The following PPTC7 variants were observed in gnomAD, a reference collection of about 807,000 sequenced individuals.
PPTC7 encodes the protein protein phosphatase targeting COQ7, also known as protein phosphatase PTC7 homolog.
Under a neutral mutation model 30.8 loss-of-function variants are expected in PPTC7, and 6 were observed. That is an observed-to-expected ratio of 0.19 (90% CI 0.11 to 0.38). PPTC7 has a LOEUF of 0.38. Ranked by LOEUF, PPTC7 falls within the 10% of genes least tolerant of loss-of-function variation. PPTC7 has a pLI of 1.00. For missense variants in PPTC7, 218 were observed against 404.8 expected, an observed-to-expected ratio of 0.54 and a Z score of 3.96; for synonymous variants, 163 against 168.1, an observed-to-expected ratio of 0.97 and a Z score of 0.23.
chr12:110,580,939 A>G (rs1204308791), intron 1 of PPTC7, among the ~76,000 whole-genome samples: 1 of 151,920 alleles, frequency 6.6e-6, no homozygotes, highest in East Asian at 2.0e-4. Flanking sequence ...TTTAGTAAAG[A>G]CTGGGTTTCA....
At chr12:110,559,551 C>G (rs185553826) in intron 1 of PPTC7, among the ~76,000 whole-genome samples, 2 of 151,346 alleles carry the variant, frequency 1.3e-5, no homozygotes, top group African/African-American at 4.9e-5. Context: ...CATGGTGAAA[C>G]CCCGTCTCTA....
intron 1 of PPTC7, among the ~76,000 whole-genome samples, chr12:110,576,882 A>G (rs2064593594): frequency 6.6e-6 from 1 of 152,198 alleles, no homozygotes; most frequent in African/African-American, 2.4e-5. Flanking sequence ...AAATTCACTC[A>G]AGGGGCTGGG....
At chr12:110,562,662 G>A (rs554254767) in intron 1 of PPTC7, among the ~76,000 whole-genome samples, 14 of 151,610 alleles carry the variant, frequency 9.2e-5, no homozygotes, top group African/African-American at 3.1e-4. Flanking sequence ...GTATGGTGGC[G>A]CATGACTGTA....
intron 1 of PPTC7, among the ~76,000 whole-genome samples, chr12:110,562,215 G>A (rs1182894551): frequency 6.7e-6 from 1 of 148,236 alleles, no homozygotes; most frequent in East Asian, 2.0e-4. Flanking sequence ...AACCCAGGAG[G>A]CGGAGGTTGC....
intron 1 of PPTC7, among the ~76,000 whole-genome samples, chr12:110,557,487 C>T (rs1451707177): frequency 6.6e-6 from 1 of 152,026 alleles, no homozygotes; most frequent in Non-Finnish European, 1.5e-5. Context: ...CTATGTTGTC[C>T]AGGCTGGTCT....
In PPTC7 at chr12:110,582,879, G is replaced by A. The variant is rs1420753464; in HGVS notation, c.153C>T (p.Leu51=). The A allele has an allele frequency of 1.3e-6, 2 of 1,556,516 alleles. No individual in the cohort carries two copies. Among genetic ancestry groups the A allele is most frequent in the Non-Finnish European group, 1.7e-6 (2 of 1,150,316 alleles). The part of the protein sequence containing the change: ...CGFGKDFRKG[L]LKKGACYGDD... ...CCCCGTAGCACGCGCCCTTCTTGAG[G>A]AGGCCCTTACGGAAGTCCTTCCCGA... Residue 51 remains leucine (L), a synonymous_variant, in exon 1 of 6, where the codon CTC becomes CTT. Coordinates refer to ENST00000354300, the MANE Select transcript of PPTC7 (RefSeq NM_139283.2).
At chr12:110,576,459 T>G (rs953102522) in intron 1 of PPTC7, among the ~76,000 whole-genome samples, 1 of 152,022 alleles carries the variant, frequency 6.6e-6, no homozygotes, top group Non-Finnish European at 1.5e-5. Context: ...TAGCCAAAAG[T>G]AGAAACAACT....
At chr12:110,559,036 C>CT (rs552166676) in intron 1 of PPTC7, among the ~76,000 whole-genome samples, 1 of 150,678 alleles carries the variant, frequency 6.6e-6, no homozygotes, top group Non-Finnish European at 1.5e-5. Context: ...TTCCCTTTTT[C>CT]TTTTTTTAAC....
intron 1 of PPTC7, among the ~76,000 whole-genome samples, chr12:110,577,135 C>A (rs1410484787): frequency 1.4e-5 from 2 of 144,976 alleles, no homozygotes; most frequent in Middle Eastern, 3.6e-3. Context: ...CCACTGCTCT[C>A]CAGCCTGGGC....
intron 1 of PPTC7, among the ~76,000 whole-genome samples, chr12:110,555,530 GAA>G (rs1404683048): frequency 1.3e-5 from 2 of 152,102 alleles, no homozygotes; most frequent in Non-Finnish European, 2.9e-5. Flanking sequence ...AGTTTAAAAA[GAA>G]AAAAGACCCT....
intron 1 of PPTC7, among the ~76,000 whole-genome samples, chr12:110,574,176 T>TAAAAAAAAAAAA (rs1167486526): frequency 4.5e-5 from 4 of 89,420 alleles, no homozygotes; most frequent in Non-Finnish European, 7.2e-5. Flanking sequence ...AAAAAAAAAT[T>TAAAAAAAAAAAA]AAAAGCATTA....
intron 1 of PPTC7, among the ~76,000 whole-genome samples, chr12:110,574,847 C>T (rs773620608): frequency 2.3e-4 from 35 of 151,780 alleles, no homozygotes; most frequent in Non-Finnish European, 2.9e-4. Context: ...GGCACGATCT[C>T]GGGTCACTGC....
intron 1 of PPTC7, among the ~76,000 whole-genome samples, chr12:110,559,219 G>A (rs2064416641): frequency 6.6e-6 from 1 of 151,526 alleles, no homozygotes; most frequent in Non-Finnish European, 1.5e-5. Flanking sequence ...TTGTAGAGAT[G>A]CGGTCTCATT....
At chr12:110,540,959 T>G (rs1446674795) in intron 3 of PPTC7, among the ~76,000 whole-genome samples, 2 of 151,480 alleles carry the variant, frequency 1.3e-5, no homozygotes, top group Non-Finnish European at 2.9e-5. Context: ...GTATTTTTAG[T>G]AGAGACAGGG....
intron 1 of PPTC7, among the ~76,000 whole-genome samples, chr12:110,553,134 G>C (rs2064361306): frequency 6.7e-6 from 1 of 149,508 alleles, no homozygotes; most frequent in Non-Finnish European, 1.5e-5. Flanking sequence ...GGTGAGCCGA[G>C]ATCGCGCCAT....
chr12:110,579,569 T>C (rs2135799753), intron 1 of PPTC7, among the ~76,000 whole-genome samples: 1 of 152,274 alleles, frequency 6.6e-6, no homozygotes, highest in South Asian at 2.1e-4. Flanking sequence ...TTTATCTCTG[T>C]GCACAGGGTC....
intron 3 of PPTC7, among the ~76,000 whole-genome samples, chr12:110,545,529 C>G (rs535532991): frequency 6.6e-6 from 1 of 152,364 alleles, no homozygotes; most frequent in Non-Finnish European, 1.5e-5. Context: ...TATGCAAAAT[C>G]TTGTACAAGC....
chr12:110,578,466 A>G (rs1251975474), intron 1 of PPTC7, among the ~76,000 whole-genome samples: 1 of 152,196 alleles, frequency 6.6e-6, no homozygotes, highest in African/African-American at 2.4e-5. Flanking sequence ...ACCACACCCA[A>G]CATAGTCAGT....
intron 1 of PPTC7, among the ~76,000 whole-genome samples, chr12:110,576,142 A>AT (rs2064587132): frequency 6.6e-6 from 1 of 152,130 alleles, no homozygotes; most frequent in South Asian, 2.1e-4. Flanking sequence ...ACACTTCCTT[A>AT]TTAATATTCC....
Sources: gnomAD v4.1 joint callset for allele counts (sites outside exome capture counted in the v4.1 genomes callset) on GRCh38, gnomAD v4.1.1 for gene constraint, MANE v1.5 for transcripts, NCBI Gene and HGNC (gene_info 2026-07-23, HGNC 2026-07-21) for gene names.